Variants in ADGRL2 observed in about 807,000 individuals in gnomAD.
The protein encoded by ADGRL2 is adhesion G protein-coupled receptor L2, also known as calcium-independent alpha-latrotoxin receptor 2.
Under a neutral mutation model 157.4 loss-of-function variants are expected in ADGRL2, and 44 were observed. The ratio of observed to expected loss-of-function variants is 0.28; its 90% CI spans 0.22 to 0.36. The LOEUF is 0.36. Among genes scored for constraint, ADGRL2 ranks in the 10% least tolerant of loss-of-function variants. The pLI is 1.00. For missense variants in ADGRL2, 1,510 were observed against 1,768.9 expected (o/e 0.85, Z 2.63); for synonymous variants, 585 against 624.7 (o/e 0.94, Z 0.95).
intron 2 of ADGRL2, among the ~76,000 whole-genome samples, chr1:81,789,582 T>C (rs1344778491): frequency 1.3e-5 from 2 of 151,140 alleles, no homozygotes; most frequent in African/African-American, 2.4e-5. Context: ...AAAAATTAGC[T>C]GTGTGTGGTG....
chr1:81,458,120 G>A (rs2077843959), intron 2 of ADGRL2, among the ~76,000 whole-genome samples: 1 of 152,140 alleles, frequency 6.6e-6, no homozygotes, highest in South Asian at 2.1e-4. Flanking sequence ...TGCCCAAATT[G>A]ACAAACTCAG....
chr1:81,427,613 A>G (rs1166704976), intron 1 of ADGRL2: 4 of 660,006 alleles, frequency 6.1e-6, no homozygotes, highest in Non-Finnish European at 1.1e-5. Flanking sequence ...AAGGTTTTGA[A>G]AACAGCAGAA....
intron 2 of ADGRL2, among the ~76,000 whole-genome samples, chr1:81,843,080 A>T (rs1254978909): frequency 6.6e-6 from 1 of 152,176 alleles, no homozygotes; most frequent in African/African-American, 2.4e-5. Context: ...TATTTTCTAA[A>T]TTCACAAATT....
chr1:81,875,397 T>TA (rs879926935), intron 2 of ADGRL2, among the ~76,000 whole-genome samples: 6 of 152,178 alleles, frequency 3.9e-5, no homozygotes, highest in Non-Finnish European at 5.9e-5. Flanking sequence ...TTTAACAAAA[T>TA]ACAGAATTTA....
chr1:81,479,700 C>T (rs1177904486), intron 2 of ADGRL2, among the ~76,000 whole-genome samples: 9 of 152,174 alleles, frequency 5.9e-5, no homozygotes, highest in Admixed American at 5.9e-4. Flanking sequence ...TAATTCCTTT[C>T]TCTTTCTCTC....
intron 1 of ADGRL2, among the ~76,000 whole-genome samples, chr1:81,442,034 A>G (rs1356634909): frequency 3.3e-5 from 5 of 151,872 alleles, no homozygotes; most frequent in African/African-American, 9.7e-5. Flanking sequence ...GAGTCTCACT[A>G]TGTTCCCCAG....
At chr1:81,507,518 C>T (rs577269056) in intron 2 of ADGRL2, among the ~76,000 whole-genome samples, 39 of 152,250 alleles carry the variant, frequency 2.6e-4, no homozygotes, top group African/African-American at 3.4e-4. Flanking sequence ...TTTGGAATTG[C>T]GTTACTCTCA....
intron 1 of ADGRL2, among the ~76,000 whole-genome samples, chr1:81,739,311 A>G (rs2084998575): frequency 6.6e-6 from 1 of 152,182 alleles, no homozygotes; most frequent in African/African-American, 2.4e-5. Context: ...ATCTGTGAAA[A>G]GAGAATAGAT....
intron 2 of ADGRL2, among the ~76,000 whole-genome samples, chr1:81,447,906 G>T (rs911015240): frequency 2.6e-5 from 4 of 151,844 alleles, no homozygotes; most frequent in African/African-American, 9.7e-5. Flanking sequence ...CATCTTTTTG[G>T]TGCTGTTCTC....
intron 2 of ADGRL2, among the ~76,000 whole-genome samples, chr1:81,517,711 G>T (rs2079213520): frequency 6.6e-6 from 1 of 152,182 alleles, no homozygotes; most frequent in South Asian, 2.1e-4. Context: ...GCAAGGAAGA[G>T]ATGAAGAGCT....
intron 3 of ADGRL2, among the ~76,000 whole-genome samples, chr1:81,585,337 G>T (rs1357068248): frequency 6.6e-6 from 1 of 152,088 alleles, no homozygotes; most frequent in African/African-American, 2.4e-5. Flanking sequence ...CATGGCTTTA[G>T]GTAGATTGGT....
At chr1:81,878,127 A>T (rs1396101714) in intron 2 of ADGRL2, among the ~76,000 whole-genome samples, 1 of 152,140 alleles carries the variant, frequency 6.6e-6, no homozygotes, top group Non-Finnish European at 1.5e-5. Flanking sequence ...GCTTTCCAAG[A>T]GATTCAGGGA....
At chr1:81,451,434 A>G (rs1039218535) in intron 2 of ADGRL2, among the ~76,000 whole-genome samples, 5 of 152,228 alleles carry the variant, frequency 3.3e-5, no homozygotes, top group African/African-American at 7.2e-5. Context: ...GAAGAAGCAA[A>G]TGAAAGCCAT....
chr1:81,530,391 G>A (rs2079568706), intron 2 of ADGRL2, among the ~76,000 whole-genome samples: 1 of 151,906 alleles, frequency 6.6e-6, no homozygotes, highest in African/African-American at 2.4e-5. Context: ...CTTTCACCCA[G>A]GCTGGAGTGC....
intron 3 of ADGRL2, among the ~76,000 whole-genome samples, chr1:81,638,381 T>G (rs757960120): frequency 3.3e-5 from 5 of 152,156 alleles, no homozygotes; most frequent in Non-Finnish European, 7.3e-5. Context: ...AAATAAAAAC[T>G]TTCATTTTTC....
At chr1:81,898,448 A>C (rs1209827407) in intron 2 of ADGRL2, among the ~76,000 whole-genome samples, 1 of 152,198 alleles carries the variant, frequency 6.6e-6, no homozygotes, top group African/African-American at 2.4e-5. Flanking sequence ...GGTTTGTAAC[A>C]TAATACAGAC....
At chr1:81,412,589 A>T (rs2076965178) in intron 1 of ADGRL2, among the ~76,000 whole-genome samples, 1 of 152,218 alleles carries the variant, frequency 6.6e-6, no homozygotes, top group Non-Finnish European at 1.5e-5. Context: ...CGCTGGGGGA[A>T]GAGACTCCAT....
At chr1:81,805,948 AAAG>A (rs1442610104) in intron 1 of ADGRL2, among the ~76,000 whole-genome samples, 6 of 152,216 alleles carry the variant, frequency 3.9e-5, no homozygotes, top group East Asian at 1.9e-4. Flanking sequence ...AATGTAGTGA[AAAG>A]AAGATTTTTC....
intron 2 of ADGRL2, among the ~76,000 whole-genome samples, chr1:81,548,992 A>G (rs1430110614): frequency 1.3e-5 from 2 of 152,216 alleles, no homozygotes; most frequent in East Asian, 3.8e-4. Flanking sequence ...GCTCATTACA[A>G]GGTTGTATGT....
Sources: gnomAD v4.1 joint callset for allele counts (sites outside exome capture counted in the v4.1 genomes callset) on GRCh38, gnomAD v4.1.1 for gene constraint, MANE v1.5 for transcripts, NCBI Gene and HGNC (gene_info 2026-07-23, HGNC 2026-07-21) for gene names.